The following HPS5 variants were observed in gnomAD, a reference collection of about 807,000 sequenced individuals.
HPS5 encodes BLOC-2 complex member HPS5.
A neutral mutation model predicts 128.0 loss-of-function variants in HPS5; 83 were observed. The ratio of observed to expected loss-of-function variants is 0.65; its 90% CI spans 0.54 to 0.78. The LOEUF (loss-of-function observed/expected upper bound fraction) is 0.78. Ranked by LOEUF, HPS5 falls within the 30% of genes least tolerant of loss-of-function variation. HPS5 has a pLI of 0.00. For synonymous variants in HPS5, 475 were observed against 470.2 expected, an observed-to-expected ratio of 1.01 and a Z score of -0.13; for missense variants, 1,281 against 1,326.2, an observed-to-expected ratio of 0.97 and a Z score of 0.53.
At chr11:18,298,718 T>C in intron 10 of HPS5, 74 bp downstream of exon 10, 1 of 1,485,250 alleles carries the variant, frequency 6.7e-7, no homozygotes, top group South Asian at 1.1e-5. Context: ...TCAAGCAACT[T>C]TGTAACACAA....
chr11:18,309,221 G>C, intron 5 of HPS5, 142 bp from the exon 6 acceptor site: 1 of 779,454 alleles, frequency 1.3e-6, no homozygotes, highest in East Asian at 2.7e-5. Flanking sequence ...TTGCTTGTAA[G>C]GATATCAAAG....
chr11:18,299,455 C>T (rs1861453747), intron 9 of HPS5, among the ~76,000 whole-genome samples: 1 of 152,178 alleles, frequency 6.6e-6, no homozygotes, highest in Non-Finnish European at 1.5e-5. Flanking sequence ...GAAATTTAAG[C>T]CACAAGAAAG....
At chr11:18,300,696 CAAAAAAA>C (rs531315010) in intron 9 of HPS5, 125 bp downstream of exon 9, 7,994 of 381,620 alleles carry the variant, frequency 0.021, no homozygotes, top group East Asian at 0.039. Flanking sequence ...GACTTAGTCT[CAAAAAAA>C]AAAAAAAAAA....
intron 20 of HPS5, 23 bp downstream of exon 20, chr11:18,285,323 G>A (rs759468520): frequency 1.4e-6 from 2 of 1,464,744 alleles, no homozygotes; most frequent in East Asian, 2.3e-5. Context: ...CTTAACTTCA[G>A]TTTCTAAAAA....
Position 18,288,119 on chromosome 11 carries a change from GACC to G in HPS5, c.2441-109_2441-107del, listed in dbSNP as rs1859970384. 31 of 1,202,122 alleles carry G rather than the reference GACC, an allele frequency of 2.6e-5. No homozygotes were observed. The East Asian group carries it at 7.0e-4, about 27-fold the overall frequency. 74.5% of individuals were successfully genotyped at this position (1,202,122 alleles called of 1,614,324 possible). A position where few individuals can be genotyped will look rare whatever the true frequency, so the allele number is the denominator to read the frequency against. The stretch of plus-strand genomic sequence containing the variant: ...TCATTAGTCACGTACCTACTGTGTG[GACC>G]TATTATGTGCAAGGCCCAATATTAA... On this transcript the variant is annotated intron_variant, in intron 16 of 22. Transcript: ENST00000349215.
At chr11:18,316,707 T>C (rs1014920823) in intron 2 of HPS5, among the ~76,000 whole-genome samples, 2 of 152,248 alleles carry the variant, frequency 1.3e-5, no homozygotes, top group African/African-American at 4.8e-5. Flanking sequence ...AACTTCCAAG[T>C]TGCCTTGGGG....
chr11:18,317,700 G>A (rs1178179038), intron 2 of HPS5, 51 bp downstream of exon 2: 1 of 1,576,490 alleles, frequency 6.3e-7, no homozygotes, highest in Non-Finnish European at 8.7e-7. Flanking sequence ...TAGGGGCACA[G>A]TAACAGAGAG....
At chr11:18,308,563 C>T (rs1396164843) in intron 6 of HPS5, among the ~76,000 whole-genome samples, 1 of 152,138 alleles carries the variant, frequency 6.6e-6, no homozygotes, top group African/African-American at 2.4e-5. Flanking sequence ...GCCTATAATC[C>T]AAGCCCTTTG....
At chr11:18,294,564 G>C (rs192714056) in intron 14 of HPS5, among the ~76,000 whole-genome samples, 20 of 152,278 alleles carry the variant, frequency 1.3e-4, no homozygotes, top group Admixed American at 1.2e-3. Flanking sequence ...GAGTTATGCA[G>C]GGGAAAGATG....
chr11:18,298,421 G>A (rs1285181586), intron 10 of HPS5, among the ~76,000 whole-genome samples: 1 of 152,080 alleles, frequency 6.6e-6, no homozygotes, highest in African/African-American at 2.4e-5. Flanking sequence ...CTTGAACCCA[G>A]GAGGCAGAGG....
At chr11:18,301,329 G>A (rs535366295) in intron 8 of HPS5, among the ~76,000 whole-genome samples, 120 of 151,848 alleles carry the variant, frequency 7.9e-4, no homozygotes, top group African/African-American at 2.4e-3. Flanking sequence ...GGTGACATGC[G>A]CTTGTAATCC....
At chr11:18,289,877 A>G (rs1472054448) in intron 16 of HPS5, among the ~76,000 whole-genome samples, 1 of 152,232 alleles carries the variant, frequency 6.6e-6, no homozygotes, top group African/African-American at 2.4e-5. Context: ...GGTTTCTATT[A>G]TATGTCAGGA....
At chr11:18,281,769 T>A in intron 22 of HPS5, 181 bp downstream of exon 22, 1 of 725,070 alleles carries the variant, frequency 1.4e-6, no homozygotes. Flanking sequence ...CTGAACAGCA[T>A]CTTGGTCATG....
intron 2 of HPS5, among the ~76,000 whole-genome samples, chr11:18,316,842 C>A (rs1863678278): frequency 1.3e-5 from 2 of 152,214 alleles, no homozygotes; most frequent in African/African-American, 2.4e-5. Flanking sequence ...AAGTGTACTG[C>A]ATTTTATCAC....
intron 6 of HPS5, among the ~76,000 whole-genome samples, chr11:18,307,751 A>G (rs1435416790): frequency 2.6e-5 from 4 of 151,778 alleles, no homozygotes; most frequent in Non-Finnish European, 5.9e-5. Flanking sequence ...CAAAGAAACA[A>G]AAAAAACCAA....
intron 9 of HPS5, 68 bp from the exon 10 acceptor site, chr11:18,299,038 G>T (rs1290527638): frequency 2.8e-6 from 4 of 1,411,374 alleles, no homozygotes; most frequent in Admixed American, 1.7e-5. Context: ...TAAAAGGGAT[G>T]CAATTATTCT....
Position 18,310,850 on chromosome 11 carries a change from C to T in HPS5, c.368G>A (p.Gly123Asp), listed in dbSNP as rs751981193. Reference protein sequence around the residue: ...EQMYVSSEHKGRRVTALCWDT... With the variant: ...EQMYVSSEHKDRRVTALCWDT... Reference sequence around the variant, plus strand: ...CCAGCAGAGAGCTGTGACTCTTCGGCCTTTGTGTTCTGAAGACACATACAT... The same window carrying T: ...CCAGCAGAGAGCTGTGACTCTTCGGTCTTTGTGTTCTGAAGACACATACAT... Residue 123 changes from glycine to aspartate, a missense_variant, in exon 5 of 23, where the codon GGC becomes GAC. Gly to Asp is a moderately conservative substitution (Grantham distance 94). Transcript: ENST00000349215. The T allele has an allele frequency of 2.5e-6, 4 of 1,612,848 alleles. No individual in the cohort carries two copies. Among genetic ancestry groups the T allele is most frequent in the Non-Finnish European group, 2.5e-6 (3 of 1,179,372 alleles).
intron 2 of HPS5, among the ~76,000 whole-genome samples, chr11:18,315,983 A>C (rs990377180): frequency 6.6e-6 from 1 of 152,298 alleles, no homozygotes; most frequent in East Asian, 1.9e-4. Flanking sequence ...ACAGCCAGGC[A>C]TGGTGGCTCC....
Position 18,300,910 on chromosome 11 carries a change from A to T in HPS5, c.903T>A (p.His301Gln). ...SFPKLLHLSEHCVLTWTERGI... is the reference protein window; with the variant it reads ...SFPKLLHLSEQCVLTWTERGI... ...CTCTTTCTGTCCAAGTCAGCACACA[A>T]TGCTCACTGCAAGAGAAGAAGTGAA... The change falls in exon 9 of 23, where the codon CAT becomes CAA. Residue 301 changes from histidine to glutamine, a missense_variant. Transcript: ENST00000349215. The T allele has an allele frequency of 5.7e-6, 9 of 1,576,480 alleles. No individual in the cohort carries two copies. The highest frequency in any genetic ancestry group is 7.0e-6 in the Non-Finnish European group (8 of 1,145,900).
Sources: allele counts gnomAD v4.1 joint callset (sites outside exome capture counted in the v4.1 genomes callset), GRCh38; gene constraint gnomAD v4.1.1; transcripts MANE v1.5; gene names NCBI Gene and HGNC (gene_info 2026-07-23, HGNC 2026-07-21).